The following RICTOR variants were observed in gnomAD, a reference collection of about 807,000 sequenced individuals.
The protein encoded by RICTOR is rapamycin-insensitive companion of mTOR.
RICTOR carries 49 observed loss-of-function variants against 214.9 expected under a neutral mutation model. That is an observed-to-expected ratio of 0.23 (90% CI 0.18 to 0.29). The LOEUF is 0.29. Among genes scored for constraint, RICTOR ranks in the 10% least tolerant of loss-of-function variants. RICTOR has a pLI of 1.00. For synonymous variants in RICTOR, 717 were observed against 711.3 expected (o/e 1.01, Z -0.13); for missense variants, 1,625 against 2,047.0 (o/e 0.79, Z 3.98).
At chr5:39,041,697 T>A (rs144364812) in intron 2 of RICTOR, among the ~76,000 whole-genome samples, 131 of 152,192 alleles carry the variant, frequency 8.6e-4, no homozygotes, top group African/African-American at 3.0e-3. Flanking sequence ...CAAGTACAGA[T>A]TTGGGGGAAA....
At chr5:38,990,626 T>TATATG (rs1752573262) in intron 7 of RICTOR, among the ~76,000 whole-genome samples, 4 of 90,086 alleles carry the variant, frequency 4.4e-5, no homozygotes, top group East Asian at 3.0e-4. Context: ...CGATATATGA[T>TATATG]ATATATATCT....
intron 3 of RICTOR, among the ~76,000 whole-genome samples, chr5:39,015,797 T>C (rs1237665640): frequency 1.3e-5 from 2 of 151,946 alleles, no homozygotes; most frequent in African/African-American, 2.4e-5. Flanking sequence ...AAACATGAGG[T>C]TGAATCAAGG....
rs1747403206 is a variant in RICTOR, at chr5:38,940,170, C to T, written c.*2134G>A. On this transcript the variant is annotated 3_prime_UTR_variant, in exon 38 of 38. Coordinates refer to ENST00000357387, the MANE Select transcript of RICTOR (RefSeq NM_152756.5). Reference sequence around the variant, plus strand: ...AAAAAAAAAACACAAAACATTCAGGCCAATACTAACTAAGCCTTATTTCAG... The same window carrying T: ...AAAAAAAAAACACAAAACATTCAGGTCAATACTAACTAAGCCTTATTTCAG... 1 of 226,204 alleles carries T rather than the reference C, an allele frequency of 4.4e-6. No individual in the cohort carries two copies. The highest frequency in any genetic ancestry group is 6.2e-5 in the East Asian group (1 of 16,132). 14.0% of individuals were successfully genotyped at this position (226,204 alleles called of 1,614,324 possible).
At chr5:38,957,781 T>C (rs755628983) in intron 24 of RICTOR, 51 bp from the exon 25 acceptor site, 5 of 976,546 alleles carry the variant, frequency 5.1e-6, no homozygotes, top group Admixed American at 2.2e-5. Flanking sequence ...CAAAAACGTA[T>C]CTTAAGAAGC....
At position 38,971,561 on chromosome 5, in the gene RICTOR, T is replaced by TC. The variant is rs397968176; in HGVS notation, c.972+315_972+316insG. ...CTAATTTTTGTATTTTTTTTTTTTT[T>TC]AAGTAGAGATGGGGTTTCACCATGT... On this transcript the variant is annotated intron_variant, in intron 11 of 37. Coordinates refer to ENST00000357387, the MANE Select transcript of RICTOR (RefSeq NM_152756.5). 2.9e-3 allele frequency: 462 copies of TC among 160,712 alleles called. 6 individuals are homozygous for TC. The highest frequency in any genetic ancestry group is 0.011 in the African/African-American group (445 of 41,024). 10.0% of individuals were successfully genotyped at this position (160,712 alleles called of 1,614,324 possible).
intron 31 of RICTOR, among the ~76,000 whole-genome samples, chr5:38,948,186 G>T (rs1196487316): frequency 2.0e-5 from 3 of 152,046 alleles, no homozygotes; most frequent in Non-Finnish European, 4.4e-5. Flanking sequence ...ACTATGCAAG[G>T]TTCCACATTT....
chr5:38,990,205 A>G (rs1752480994), intron 7 of RICTOR, among the ~76,000 whole-genome samples: 1 of 152,166 alleles, frequency 6.6e-6, no homozygotes, highest in Non-Finnish European at 1.5e-5. Flanking sequence ...ACATGGATGA[A>G]GCTGGAACCT....
chr5:39,028,332 G>A (rs1005431258), intron 2 of RICTOR, among the ~76,000 whole-genome samples: 5 of 151,532 alleles, frequency 3.3e-5, no homozygotes, highest in African/African-American at 7.3e-5. Flanking sequence ...ACAGGTGCCC[G>A]CCACTACGCC....
At chr5:38,949,221 T>G (rs1748479788) in intron 31 of RICTOR, 1 of 516,546 alleles carries the variant, frequency 1.9e-6, no homozygotes, top group East Asian at 3.2e-5. Context: ...GGACCAAGTA[T>G]TTCATTTAGT....
intron 2 of RICTOR, among the ~76,000 whole-genome samples, chr5:39,033,742 C>T (rs189215143): frequency 6.6e-6 from 1 of 152,188 alleles, no homozygotes; most frequent in Non-Finnish European, 1.5e-5. Flanking sequence ...ACCATGCACA[C>T]TACCTCGGTA....
intron 34 of RICTOR, 109 bp from the exon 35 acceptor site, chr5:38,945,177 A>C (rs1181716866): frequency 2.1e-5 from 17 of 819,706 alleles, no homozygotes; most frequent in Non-Finnish European, 3.2e-5. Context: ...CTCTAATTGT[A>C]TGCAATATAC....
Position 38,996,482 on chromosome 5 carries a change from A to C in RICTOR, c.456+337T>G, listed in dbSNP as rs564546182. ...TACTATTAACTCTAAGTATGCAATT[A>C]AGAGAAAATCAGGATGGGGAGCAAG... On this transcript the variant is annotated intron_variant, in intron 6 of 37. Transcript: ENST00000357387. Among the ~76,000 whole-genome samples the C allele has an allele frequency of 5.9e-5, 9 of 152,340 alleles. No individual in the cohort carries two copies. The South Asian group carries it at 1.9e-3, about 32-fold the overall frequency.
chr5:39,028,403 C>T (rs867829987), intron 2 of RICTOR, among the ~76,000 whole-genome samples: 1 of 151,722 alleles, frequency 6.6e-6, no homozygotes, highest in African/African-American at 2.4e-5. Flanking sequence ...GGGATGGTCT[C>T]GATCTCCTGA....
At chr5:39,038,684 A>C (rs1268659781) in intron 2 of RICTOR, among the ~76,000 whole-genome samples, 4 of 152,248 alleles carry the variant, frequency 2.6e-5, no homozygotes, top group African/African-American at 7.2e-5. Flanking sequence ...TAACAGACAG[A>C]CAGCCAAATC....
At chr5:39,060,299 T>C (rs753744605) in intron 2 of RICTOR, among the ~76,000 whole-genome samples, 2 of 152,102 alleles carry the variant, frequency 1.3e-5, no homozygotes, top group Non-Finnish European at 2.9e-5. Context: ...ATGTTATGCA[T>C]AGTAGAGACT....
chr5:39,052,218 A>T (rs2887112), intron 2 of RICTOR, among the ~76,000 whole-genome samples: 96,276 of 151,730 alleles, frequency 0.63, 30,711 homozygotes, highest in African/African-American at 0.7. Flanking sequence ...ACAAAAAAAA[A>T]TTTTTAAATT....
At chr5:39,004,704 C>G (rs913666498) in intron 3 of RICTOR, among the ~76,000 whole-genome samples, 3 of 151,146 alleles carry the variant, frequency 2.0e-5, no homozygotes, top group Non-Finnish European at 2.9e-5. Flanking sequence ...AGGTGATCCA[C>G]GATCTGCCTG....
chr5:39,055,068 C>T (rs1758108406), intron 2 of RICTOR, among the ~76,000 whole-genome samples: 1 of 152,100 alleles, frequency 6.6e-6, no homozygotes, highest in African/African-American at 2.4e-5. Flanking sequence ...ATGGCATGTG[C>T]TATGAAGTGC....
chr5:38,958,934 G>T, intron 22 of RICTOR, 103 bp from the exon 23 acceptor site: 2 of 858,890 alleles, frequency 2.3e-6, no homozygotes, highest in Non-Finnish European at 1.7e-6. Context: ...AGGGAAGAAT[G>T]CCTGGAATTG....
Sources: allele counts gnomAD v4.1 joint callset (sites outside exome capture counted in the v4.1 genomes callset), GRCh38; gene constraint gnomAD v4.1.1; transcripts MANE v1.5; gene names NCBI Gene and HGNC (gene_info 2026-07-23, HGNC 2026-07-21).